AP3B1: variants seen among roughly 807,000 people sequenced by gnomAD.
AP3B1 encodes the protein adaptor related protein complex 3 subunit beta 1.
AP3B1 carries 61 observed loss-of-function variants against 132.5 expected under a neutral mutation model. The ratio of observed to expected loss-of-function variants is 0.46; its 90% CI spans 0.37 to 0.57. The LOEUF is 0.57. Ranked by LOEUF, AP3B1 falls within the 20% of genes least tolerant of loss-of-function variation. The pLI is 0.00. For missense variants in AP3B1, 1,120 were observed against 1,289.4 expected, an observed-to-expected ratio of 0.87 and a Z score of 2.01; for synonymous variants, 388 against 438.3, an observed-to-expected ratio of 0.89 and a Z score of 1.43.
At chr5:78,164,888 G>A (rs79772932) in intron 12 of AP3B1, among the ~76,000 whole-genome samples, 4,617 of 152,170 alleles carry the variant, frequency 0.03, 137 homozygotes, top group East Asian at 0.13. Context: ...GTTGGAAGCT[G>A]ATAAAAGAAA....
At chr5:78,069,672 C>T (rs1749451686) in intron 22 of AP3B1, among the ~76,000 whole-genome samples, 1 of 152,164 alleles carries the variant, frequency 6.6e-6, no homozygotes, top group Admixed American at 6.5e-5. Context: ...AATGGCCATA[C>T]TGCCTAAAGT....
intron 22 of AP3B1, among the ~76,000 whole-genome samples, chr5:78,060,953 T>G (rs1260253238): frequency 6.6e-6 from 1 of 152,164 alleles, no homozygotes; most frequent in Admixed American, 6.5e-5. Context: ...CAAACAATCA[T>G]GTTATGTAAT....
chr5:78,147,580 ATTTG>A (rs945526888), intron 14 of AP3B1, among the ~76,000 whole-genome samples: 3 of 151,190 alleles, frequency 2.0e-5, no homozygotes, highest in Admixed American at 2.0e-4. Flanking sequence ...TAAAACTGCT[ATTTG>A]TTCCTTTATT....
At chr5:78,034,476 C>T in intron 23 of AP3B1, 31 bp from the exon 24 acceptor site, 1 of 1,522,632 alleles carries the variant, frequency 6.6e-7, no homozygotes, top group Non-Finnish European at 9.1e-7. Flanking sequence ...GACATGAAAA[C>T]ACAGAGGATG....
chr5:78,131,262 T>TA (rs956580073), intron 15 of AP3B1, among the ~76,000 whole-genome samples: 3 of 152,026 alleles, frequency 2.0e-5, no homozygotes, highest in Non-Finnish European at 2.9e-5. Flanking sequence ...TAAGTTTTTT[T>TA]AAAAAAATAA....
intron 24 of AP3B1, among the ~76,000 whole-genome samples, chr5:78,029,051 G>A (rs963693610): frequency 2.6e-5 from 4 of 152,002 alleles, no homozygotes; most frequent in African/African-American, 9.6e-5. Context: ...TCTGTACACA[G>A]GAAACAAGGA....
chr5:78,196,335 T>C (rs1745075083), intron 7 of AP3B1, among the ~76,000 whole-genome samples: 1 of 152,180 alleles, frequency 6.6e-6, no homozygotes, highest in Non-Finnish European at 1.5e-5. Context: ...ATAACACATT[T>C]ATTAGAATGG....
intron 23 of AP3B1, among the ~76,000 whole-genome samples, chr5:78,037,876 A>G (rs965120099): frequency 8.5e-5 from 13 of 152,124 alleles, no homozygotes; most frequent in African/African-American, 2.9e-4. Context: ...GGTTATCTCC[A>G]CTTACAAAAA....
intron 24 of AP3B1, among the ~76,000 whole-genome samples, chr5:78,030,477 C>G (rs971633751): frequency 3.9e-5 from 6 of 152,132 alleles, no homozygotes; most frequent in Non-Finnish European, 8.8e-5. Context: ...GATAAGAGTA[C>G]TGATGTGAAA....
intron 7 of AP3B1, among the ~76,000 whole-genome samples, chr5:78,198,606 A>AAGGCTTT (rs1745165018): frequency 6.6e-6 from 1 of 152,144 alleles, no homozygotes; most frequent in Admixed American, 6.6e-5. Flanking sequence ...GCCTTTAAGA[A>AAGGCTTT]TACCAACTTT....
intron 20 of AP3B1, among the ~76,000 whole-genome samples, chr5:78,107,644 T>G (rs1580354305): frequency 3.3e-5 from 5 of 152,240 alleles, no homozygotes; most frequent in African/African-American, 1.2e-4. Context: ...ATGGAGATTG[T>G]GAGTTAGAGA....
At chr5:78,235,053 G>T (rs1746817178) in intron 3 of AP3B1, among the ~76,000 whole-genome samples, 1 of 151,930 alleles carries the variant, frequency 6.6e-6, no homozygotes, top group Admixed American at 6.6e-5. Context: ...GAGAGATAGG[G>T]TCTCGCTCTG....
chr5:78,213,721 C>T lies in AP3B1; in HGVS notation c.786+2334G>A, dbSNP rs79859363. 3.1e-3 allele frequency among the ~76,000 whole-genome samples: 465 copies of T among 152,162 alleles called. 4 individuals are homozygous for T. Among genetic ancestry groups the T allele is most frequent in the African/African-American group, 0.011 (444 of 41,484 alleles). On this transcript the variant is annotated intron_variant, in intron 7 of 26. Transcript: ENST00000255194. ...CAGAGTAACTGAAATTAAACAGTTA[C>T]CAATAATTGCCTCTAAGGCGTCAAC...
intron 14 of AP3B1, among the ~76,000 whole-genome samples, chr5:78,150,942 AGAGT>A (rs1753621792): frequency 6.6e-6 from 1 of 152,036 alleles, no homozygotes; most frequent in African/African-American, 2.4e-5. Flanking sequence ...TTTTTGAGAC[AGAGT>A]CTCGCTCTGT....
chr5:78,140,009 T>C (rs1018921636), intron 15 of AP3B1, among the ~76,000 whole-genome samples: 1 of 151,490 alleles, frequency 6.6e-6, no homozygotes, highest in Non-Finnish European at 1.5e-5. Context: ...TAGAGAAAAA[T>C]AGATAGGACA....
intron 24 of AP3B1, among the ~76,000 whole-genome samples, chr5:78,021,673 C>T (rs1368454063): frequency 6.6e-6 from 1 of 152,132 alleles, no homozygotes; most frequent in African/African-American, 2.4e-5. Context: ...CAGTCACAGG[C>T]TCATTCAGTG....
intron 22 of AP3B1, among the ~76,000 whole-genome samples, chr5:78,084,899 G>T (rs252761): frequency 0.67 from 101,153 of 151,892 alleles, 35,280 homozygotes; most frequent in African/African-American, 0.88. Context: ...TTTTCCATCT[G>T]ACATTATACC....
At chr5:78,122,206 A>G (rs1235352445) in intron 17 of AP3B1, among the ~76,000 whole-genome samples, 2 of 152,224 alleles carry the variant, frequency 1.3e-5, no homozygotes, top group African/African-American at 2.4e-5. Context: ...TCAAAATAAT[A>G]AGAGCTATCT....
intron 21 of AP3B1, among the ~76,000 whole-genome samples, chr5:78,096,708 T>G (rs1192072236): frequency 6.7e-6 from 1 of 148,918 alleles, no homozygotes; most frequent in African/African-American, 2.5e-5. Flanking sequence ...CCGCCCCATC[T>G]GAGAAGGGAG....
Sources: gnomAD v4.1 joint callset for allele counts (sites outside exome capture counted in the v4.1 genomes callset) on GRCh38, gnomAD v4.1.1 for gene constraint, MANE v1.5 for transcripts, NCBI Gene and HGNC (gene_info 2026-07-23, HGNC 2026-07-21) for gene names.